LYRM1: variants seen among roughly 807,000 people sequenced by gnomAD.
LYRM1 encodes the protein LYR motif-containing protein 1.
A neutral mutation model predicts 14.9 loss-of-function variants in LYRM1; 14 were observed. The observed-to-expected ratio is 0.94, with a 90% confidence interval of 0.62 to 1.47. LYRM1 has a LOEUF of 1.47. LYRM1 is among the 40% of genes most tolerant of loss of function. LYRM1 has a pLI of 0.00. For synonymous variants in LYRM1, 43 were observed against 56.2 expected, an observed-to-expected ratio of 0.77 and a Z score of 1.05; for missense variants, 153 against 149.9, an observed-to-expected ratio of 1.02 and a Z score of -0.11.
chr16:20,913,097 AAT>A (rs2082684662), intron 1 of LYRM1, among the ~76,000 whole-genome samples: 2 of 140,188 alleles, frequency 1.4e-5, no homozygotes, highest in African/African-American at 5.4e-5. Flanking sequence ...TAATAATAAT[AAT>A]TAAATAAATA....
At chr16:20,911,219 A>G (rs931144060) in intron 1 of LYRM1, 5 of 152,194 alleles carry the variant, frequency 3.3e-5, no homozygotes, top group African/African-American at 9.7e-5. Flanking sequence ...CAGTTGGCTC[A>G]TTCTTTACTC....
rs1361204451 is a variant in LYRM1, at chr16:20,924,151, C to A, written c.*35C>A. On this transcript the variant is annotated 3_prime_UTR_variant, in exon 4 of 4. Coordinates refer to ENST00000567954, the MANE Select transcript of LYRM1 (RefSeq NM_001128302.3). The stretch of plus-strand genomic sequence containing the variant: ...AAGTTTATTTCTGCAAATGATGAGC[C>A]AACTAGTTATTGAATGTAAACCAGA... 1 of 1,197,190 alleles carries A rather than the reference C, an allele frequency of 8.4e-7. No homozygotes were observed. Among genetic ancestry groups the A allele is most frequent in the Non-Finnish European group, 1.2e-6 (1 of 816,078 alleles). The allele number at this position is 1,197,190 out of a possible 1,614,324, so 74.2% of individuals were successfully genotyped here.
intron 1 of LYRM1, among the ~76,000 whole-genome samples, chr16:20,914,205 A>G (rs1373340818): frequency 2.6e-5 from 4 of 151,510 alleles, no homozygotes; most frequent in Admixed American, 2.0e-4. Context: ...ACTAAAAGAG[A>G]GGTTGCAACC....
intron 2 of LYRM1, among the ~76,000 whole-genome samples, chr16:20,919,800 C>G (rs2083091147): frequency 6.6e-6 from 1 of 152,140 alleles, no homozygotes; most frequent in South Asian, 2.1e-4. Context: ...TGTGCATTTT[C>G]ACATATACAT....
intron 3 of LYRM1, among the ~76,000 whole-genome samples, chr16:20,920,862 T>C (rs1322847273): frequency 6.6e-6 from 1 of 152,062 alleles, no homozygotes; most frequent in Non-Finnish European, 1.5e-5. Flanking sequence ...CGCTCCAGCC[T>C]GGGTGACAGA....
chr16:20,922,093 A>G (rs1163351117), intron 3 of LYRM1: 1 of 150,626 alleles, frequency 6.6e-6, no homozygotes, highest in African/African-American at 2.4e-5. Flanking sequence ...CAAGGGATTC[A>G]CCTGCCTCAG....
At chr16:20,912,991 G>A (rs1054753513) in intron 1 of LYRM1, among the ~76,000 whole-genome samples, 5 of 151,696 alleles carry the variant, frequency 3.3e-5, no homozygotes, top group Non-Finnish European at 7.4e-5. Context: ...ACTTGAACCT[G>A]GGAGGCGGAG....
At chr16:20,922,467 T>C (rs2083245460) in intron 3 of LYRM1, among the ~76,000 whole-genome samples, 1 of 152,104 alleles carries the variant, frequency 6.6e-6, no homozygotes, top group Non-Finnish European at 1.5e-5. Flanking sequence ...CAGAGATACA[T>C]CTAGATACGC....
In LYRM1 at chr16:20,920,218, A is replaced by C. The variant is rs2083117970; in HGVS notation, c.252+4A>C. 8 of 1,604,878 alleles carry C rather than the reference A, an allele frequency of 5.0e-6. No individual in the cohort carries two copies. The highest frequency in any genetic ancestry group is 6.8e-6 in the Non-Finnish European group (8 of 1,171,594). Reference sequence around the variant, plus strand: ...CAAGATTCCTTACCCAAGGCCAGTAAGTGTGACTCCGGTTAACAAGTGCTG... The same window carrying C: ...CAAGATTCCTTACCCAAGGCCAGTACGTGTGACTCCGGTTAACAAGTGCTG... On this transcript the variant is annotated splice_donor_region_variant and intron_variant, in intron 3 of 3. Transcript: ENST00000567954.
Position 20,901,013 on chromosome 16 carries a change from T to A in LYRM1, c.-1+124T>A, listed in dbSNP as rs2082014729. The A allele has an allele frequency of 6.6e-6, 1 of 152,376 alleles. No individual in the cohort carries two copies. The highest frequency in any genetic ancestry group is 1.5e-5 in the Non-Finnish European group (1 of 68,198). The allele number at this position is 152,376 out of a possible 1,614,324, so 9.4% of individuals were successfully genotyped here. A position where few individuals can be genotyped will look rare whatever the true frequency, so the allele number is the denominator to read the frequency against. ...GGCGTTGCCGGGAGACGGGCCTGTG[T>A]GACCCCAGCTTCGCGGGGGCGGCTC... On this transcript the variant is annotated intron_variant, in intron 1 of 3. Coordinates refer to ENST00000567954, the MANE Select transcript of LYRM1 (RefSeq NM_001128302.3). The surrounding 1 kb of genome is among the most constrained non-coding windows in gnomAD (Gnocchi z 4.6).
In LYRM1 at chr16:20,909,010, A is replaced by G. The variant is rs1390862034; in HGVS notation, c.1-6546A>G. 3.9e-5 allele frequency among the ~76,000 whole-genome samples: 6 copies of G among 152,360 alleles called. No individual in the cohort carries two copies. The East Asian group carries it at 9.6e-4, about 24-fold the overall frequency. ...AAGCTGTATATCACATAAAATCTAA[A>G]TCACTCAAAATTATGGGTTTGATGG... On this transcript the variant is annotated intron_variant, in intron 1 of 3. Coordinates refer to ENST00000567954, the MANE Select transcript of LYRM1 (RefSeq NM_001128302.3).
At chr16:20,905,086 A>G (rs1339121919) in intron 1 of LYRM1, among the ~76,000 whole-genome samples, 1 of 152,208 alleles carries the variant, frequency 6.6e-6, no homozygotes. Flanking sequence ...AAAATCCATT[A>G]CTACCACAAA....
intron 2 of LYRM1, among the ~76,000 whole-genome samples, chr16:20,918,621 C>T (rs888155037): frequency 3.3e-5 from 5 of 152,158 alleles, no homozygotes; most frequent in African/African-American, 1.2e-4. Context: ...GCTGAAGCCC[C>T]AGAAGCCCCA....
chr16:20,912,433 AT>A (rs900008729), intron 1 of LYRM1, among the ~76,000 whole-genome samples: 2 of 151,688 alleles, frequency 1.3e-5, no homozygotes, highest in African/African-American at 2.4e-5. Context: ...TGCCCGGCTA[AT>A]TTTTTTTTGT....
Position 20,924,044 on chromosome 16 carries a change from A to C in LYRM1, c.297A>C (p.Gly99=). ...PMGLTPLRGR[G]LRSQEKLRKL... ...GCCTTACCCCACTCCGAGGCCGGGGACTTCGAAGCCAAGAGAAACTGAGGA... is the reference window on the plus strand; with the variant it reads ...GCCTTACCCCACTCCGAGGCCGGGGCCTTCGAAGCCAAGAGAAACTGAGGA... Residue 99 remains glycine (G), a synonymous_variant, in exon 4 of 4, where the codon GGA becomes GGC. Coordinates refer to ENST00000567954, the MANE Select transcript of LYRM1 (RefSeq NM_001128302.3). 6.2e-7 allele frequency: 1 copy of C among 1,613,560 alleles called. No homozygotes were observed. The highest frequency in any genetic ancestry group is 1.6e-4 in the Middle Eastern group (1 of 6,062).
intron 1 of LYRM1, among the ~76,000 whole-genome samples, chr16:20,906,171 C>T (rs751835982): frequency 7.9e-5 from 12 of 152,156 alleles, no homozygotes; most frequent in Non-Finnish European, 1.3e-4. Flanking sequence ...AACATTATGA[C>T]AGGGGTATGC....
intron 1 of LYRM1, among the ~76,000 whole-genome samples, chr16:20,905,179 CCT>C (rs899865141): frequency 2.8e-4 from 43 of 152,126 alleles, no homozygotes; most frequent in Admixed American, 2.6e-3. Flanking sequence ...CGTTGTTCTT[CCT>C]CTGTTTCCTC....
At chr16:20,917,460 T>C (rs1297925323) in intron 2 of LYRM1, among the ~76,000 whole-genome samples, 1 of 152,026 alleles carries the variant, frequency 6.6e-6, no homozygotes, top group Non-Finnish European at 1.5e-5. Context: ...AATATTTCAA[T>C]GAAAAGAGTA....
At chr16:20,904,609 G>A (rs1366589026) in intron 1 of LYRM1, among the ~76,000 whole-genome samples, 1 of 151,984 alleles carries the variant, frequency 6.6e-6, no homozygotes, top group Non-Finnish European at 1.5e-5. Context: ...GCAAAACAGT[G>A]TGTGGCATGT....
Sources: gnomAD v4.1 joint callset for allele counts (sites outside exome capture counted in the v4.1 genomes callset) on GRCh38, gnomAD v4.1.1 for gene constraint, Gnocchi (gnomAD v3.1) non-coding constraint, MANE v1.5 for transcripts, NCBI Gene and HGNC (gene_info 2026-07-23, HGNC 2026-07-21) for gene names.